The following APOD variants were observed in gnomAD, a reference collection of about 807,000 sequenced individuals.
APOD encodes the protein apolipoprotein D.
Under a neutral mutation model 20.4 loss-of-function variants are expected in APOD, and 22 were observed. The ratio of observed to expected loss-of-function variants is 1.08; its 90% CI spans 0.77 to 1.54. The LOEUF is 1.54. Ranked by LOEUF, APOD falls within the 40% of genes most tolerant of loss-of-function variation. The pLI, the probability that APOD is intolerant of heterozygous loss-of-function variation, is 0.00. For synonymous variants in APOD, 97 were observed against 92.4 expected (o/e 1.05, Z -0.29); for missense variants, 223 against 229.6 (o/e 0.97, Z 0.19).
chr3:195,571,111 A>G, intron 4 of APOD, 166 bp downstream of exon 4: 2 of 681,290 alleles, frequency 2.9e-6, no homozygotes, highest in Non-Finnish European at 5.2e-6. Flanking sequence ...CCGGCTCATC[A>G]TGGCAACCCT....
In APOD at chr3:195,579,391, T is replaced by A. The variant is rs776217968; in HGVS notation, c.71A>T (p.His24Leu). Residue 24 changes from histidine to leucine, a missense_variant, in exon 2 of 5, where the codon CAT becomes CTT. Physicochemically the swap from His to Leu is moderately conservative, Grantham distance 99. Transcript: ENST00000343267. ...LFGAAEGQAF[H>L]LGKCPNPPVQ... ...CGGAGGATTGGGGCACTTCCCAAGA[T>A]GAAATGCTTGTCCCTCTGCCGCACC... is the stretch of plus-strand genomic sequence containing the variant. 1 of 1,614,216 alleles carries A rather than the reference T, an allele frequency of 6.2e-7. No homozygotes were observed. The highest frequency in any genetic ancestry group is 8.5e-7 in the Non-Finnish European group (1 of 1,180,042).
intron 2 of APOD, among the ~76,000 whole-genome samples, chr3:195,574,795 G>A (rs1323870565): frequency 2.6e-5 from 4 of 152,164 alleles, no homozygotes; most frequent in Admixed American, 1.3e-4. Flanking sequence ...GTGAGTAAAC[G>A]ATGGCATATC....
chr3:195,575,735 C>T (rs1720236897), intron 2 of APOD, among the ~76,000 whole-genome samples: 1 of 152,122 alleles, frequency 6.6e-6, no homozygotes, highest in Non-Finnish European at 1.5e-5. Context: ...GCAAGTGATT[C>T]TCCTGCTTCA....
intron 4 of APOD, among the ~76,000 whole-genome samples, chr3:195,570,212 G>A (rs1470496810): frequency 6.6e-6 from 1 of 152,190 alleles, no homozygotes; most frequent in Non-Finnish European, 1.5e-5. Context: ...AAAATACTCA[G>A]TTGAGAGTTT....
chr3:195,569,772 C>G (rs1416079291), intron 4 of APOD, among the ~76,000 whole-genome samples: 1 of 145,246 alleles, frequency 6.9e-6, no homozygotes, highest in East Asian at 2.0e-4. Flanking sequence ...TTTATTCAGG[C>G]CTTCTTCTTC....
chr3:195,582,338 G>A (rs934415790), intron 1 of APOD, among the ~76,000 whole-genome samples: 1 of 152,018 alleles, frequency 6.6e-6, no homozygotes, highest in African/African-American at 2.4e-5. Flanking sequence ...TAAGACTTTG[G>A]GTAACATATG....
chr3:195,569,448 A>T (rs1017040149), intron 4 of APOD, among the ~76,000 whole-genome samples: 1 of 152,100 alleles, frequency 6.6e-6, no homozygotes, highest in Non-Finnish European at 1.5e-5. Flanking sequence ...TGCTCTGTGT[A>T]TTCCCAGGTG....
At chr3:195,575,270 G>A (rs961717362) in intron 2 of APOD, among the ~76,000 whole-genome samples, 3 of 152,206 alleles carry the variant, frequency 2.0e-5, no homozygotes, top group Non-Finnish European at 4.4e-5. Flanking sequence ...AAGATTCTCT[G>A]CTTTTAAGGA....
chr3:195,572,809 A>C (rs771433881), intron 3 of APOD, among the ~76,000 whole-genome samples: 1 of 152,124 alleles, frequency 6.6e-6, no homozygotes, highest in African/African-American at 2.4e-5. Flanking sequence ...TCAGGAGATC[A>C]AGACCAGCCT....
chr3:195,573,953 C>A lies in APOD; in HGVS notation c.142G>T (p.Glu48Ter). The change falls in exon 3 of 5, where the codon GAA (glutamate) becomes TAA (stop). Residue 48 changes from glutamate to a stop codon, truncating the protein, a stop_gained. Transcript: ENST00000343267. LOFTEE classifies it high-confidence loss of function. ...DVNKYLGRWY[E>*]IEKIPTTFEN... ...AAGGTTGTTGGGATCTTCTCAATTT[C>A]GTACCATCTTCCGAGATACTGCAGA... 1 of 1,614,184 alleles carries A rather than the reference C, an allele frequency of 6.2e-7. No homozygotes were observed. The highest frequency in any genetic ancestry group is 1.1e-5 in the South Asian group (1 of 91,078).
chr3:195,568,948 G>T lies in APOD; in HGVS notation c.522C>A (p.Val174=). 6.2e-7 allele frequency: 1 copy of T among 1,614,120 alleles called. No individual in the cohort carries two copies. The highest frequency in any genetic ancestry group is 1.1e-5 in the South Asian group (1 of 91,070). Reference sequence around the variant, plus strand: ...CCTGGTCTGTGACCGTCATTTTCTTGACATCAATGTTATTAGAAGTCAGGA... The same window carrying T: ...CCTGGTCTGTGACCGTCATTTTCTTTACATCAATGTTATTAGAAGTCAGGA... ...KNILTSNNID[V]KKMTVTDQVN... is the part of the protein sequence containing the mutation. Residue 174 remains valine (V), a synonymous_variant, in exon 5 of 5, where the codon GTC becomes GTA. Transcript: ENST00000343267.
chr3:195,579,915 G>A (rs1006966854), intron 1 of APOD, among the ~76,000 whole-genome samples: 4 of 152,294 alleles, frequency 2.6e-5, no homozygotes, highest in Middle Eastern at 3.4e-3. Flanking sequence ...AGTGAACCAC[G>A]AAAGACACGA....
In APOD at chr3:195,573,931, G is replaced by C. The variant is rs773971723; in HGVS notation, c.164C>G (p.Thr55Ser). 1 of 1,614,186 alleles carries C rather than the reference G, an allele frequency of 6.2e-7. No individual in the cohort carries two copies. The highest frequency in any genetic ancestry group is 1.1e-5 in the South Asian group (1 of 91,084). The change falls in exon 3 of 5, where the codon ACC becomes AGC. Residue 55 changes from threonine (T) to serine (S), a missense_variant. By Grantham distance (58) the Thr-to-Ser change is moderately conservative. Coordinates refer to ENST00000343267, the MANE Select transcript of APOD (RefSeq NM_001647.4). ...RWYEIEKIPTTFENGRCIQAN... is the reference protein window; with the variant it reads ...RWYEIEKIPTSFENGRCIQAN... ...CTGGATGCAGCGTCCATTCTCAAAG[G>C]TTGTTGGGATCTTCTCAATTTCGTA... is the stretch of plus-strand genomic sequence containing the variant.
rs201716371 is a variant in APOD at position 195,568,712 on chromosome 3, C to G, written c.*188G>C. On this transcript the variant is annotated 3_prime_UTR_variant, in exon 5 of 5. Coordinates refer to ENST00000343267, the MANE Select transcript of APOD (RefSeq NM_001647.4). ...CACAATAATTAATCCAACTTGGAAT[C>G]TACTGCGAGCACAGCAGGTCAGCAA... The G allele has an allele frequency of 3.4e-4, 201 of 598,558 alleles. 1 individual carries two copies. The East Asian group carries it at 5.2e-3, about 16-fold the overall frequency. The allele number at this position is 598,558 out of a possible 1,614,324, so 37.1% of individuals were successfully genotyped here. A position where few individuals can be genotyped will look rare whatever the true frequency, so the allele number is the denominator to read the frequency against.
intron 1 of APOD, among the ~76,000 whole-genome samples, chr3:195,580,362 TTTC>T (rs1343912294): frequency 9.0e-5 from 6 of 66,864 alleles, no homozygotes; most frequent in African/African-American, 3.3e-4. Flanking sequence ...TTCTTCTTTC[TTTC>T]TTCTTTTTTT....
rs1720116142 is a variant in APOD at position 195,569,194 on chromosome 3, A to C, written c.335-59T>G. 3 of 1,480,204 alleles carry C rather than the reference A, an allele frequency of 2.0e-6. No individual in the cohort carries two copies. The African/African-American group carries it at 4.2e-5, about 21-fold the overall frequency. The allele number at this position is 1,480,204 out of a possible 1,614,324, so 91.7% of individuals were successfully genotyped here. A position where few individuals can be genotyped will look rare whatever the true frequency, so the allele number is the denominator to read the frequency against. Reference sequence around the variant, plus strand: ...GAGAGGGCAAGAGAAATCTCAGGACAACACAAGAAGGCTGGCCCAGACAAC... The same window carrying C: ...GAGAGGGCAAGAGAAATCTCAGGACCACACAAGAAGGCTGGCCCAGACAAC... On this transcript the variant is annotated intron_variant, in intron 4 of 4. Coordinates refer to ENST00000343267, the MANE Select transcript of APOD (RefSeq NM_001647.4).
chr3:195,582,292 A>G (rs1475297373), intron 1 of APOD, among the ~76,000 whole-genome samples: 1 of 152,124 alleles, frequency 6.6e-6, no homozygotes, highest in Non-Finnish European at 1.5e-5. Flanking sequence ...ATTCTAATTT[A>G]CTCATTACTT....
chr3:195,576,370 C>G (rs556101951), intron 2 of APOD, among the ~76,000 whole-genome samples: 57 of 152,150 alleles, frequency 3.7e-4, no homozygotes, highest in Non-Finnish European at 7.1e-4. Context: ...GAAAAATAAT[C>G]CTAGAAAAGA....
chr3:195,571,387 AAAAATAC>A lies in APOD; in HGVS notation c.246-29_246-23del. 3 of 1,584,110 alleles carry A rather than the reference AAAAATAC, an allele frequency of 1.9e-6. No homozygotes were observed. The South Asian group carries it at 3.5e-5, about 18-fold the overall frequency. Reference sequence around the variant, plus strand: ...AGCTCTGCAGTGAGTTAAAAAAAGAAAAAATACAAAAAACGAAAAGAGAAAAGAAAAA... The same window carrying A: ...AGCTCTGCAGTGAGTTAAAAAAAGAAAAAAAACGAAAAGAGAAAAGAAAAA... On this transcript the variant is annotated intron_variant, in intron 3 of 4. Transcript: ENST00000343267.
Sources: allele counts gnomAD v4.1 joint callset (sites outside exome capture counted in the v4.1 genomes callset), GRCh38; gene constraint gnomAD v4.1.1; transcripts MANE v1.5; gene names NCBI Gene and HGNC (gene_info 2026-07-23, HGNC 2026-07-21).